MAGI3: variants seen among roughly 807,000 people sequenced by gnomAD.
MAGI3 encodes the protein membrane associated guanylate kinase, WW and PDZ domain containing 3, also known as membrane-associated guanylate kinase, WW and PDZ domain-containing protein 3.
MAGI3 carries 43 observed loss-of-function variants against 121.8 expected under a neutral mutation model. The ratio of observed to expected loss-of-function variants is 0.35; its 90% CI spans 0.28 to 0.46. MAGI3 has a LOEUF of 0.46. Among genes scored for constraint, MAGI3 ranks in the 20% least tolerant of loss-of-function variants. The pLI is 1.00. For synonymous variants in MAGI3, 553 were observed against 639.3 expected, an observed-to-expected ratio of 0.86 and a Z score of 2.04; for missense variants, 1,547 against 1,797.3, an observed-to-expected ratio of 0.86 and a Z score of 2.52.
At chr1:113,649,569 T>C (rs1418117513) in intron 13 of MAGI3, among the ~76,000 whole-genome samples, 3 of 152,238 alleles carry the variant, frequency 2.0e-5, no homozygotes, top group African/African-American at 7.2e-5. Context: ...TATTTACTTC[T>C]CTGTGTGAAT....
chr1:113,661,594 T>C (rs539522722), intron 16 of MAGI3, among the ~76,000 whole-genome samples: 98 of 152,334 alleles, frequency 6.4e-4, no homozygotes, highest in African/African-American at 2.3e-3. Context: ...TTAATGTTGA[T>C]GGTATTTTCT....
chr1:113,634,399 A>G (rs1651867941), intron 9 of MAGI3, among the ~76,000 whole-genome samples: 1 of 152,164 alleles, frequency 6.6e-6, no homozygotes, highest in African/African-American at 2.4e-5. Context: ...TCCATCTTGA[A>G]TTAATTTTTG....
At position 113,585,516 on chromosome 1, in the gene MAGI3, A is replaced by G; in HGVS notation, c.683A>G (p.Lys228Arg). The G allele has an allele frequency of 6.2e-7, 1 of 1,614,176 alleles. No individual in the cohort carries two copies. The highest frequency in any genetic ancestry group is 8.5e-7 in the Non-Finnish European group (1 of 1,180,006). ...SQRKRTTSVS[K>R]MERMDSSLPE... The stretch of plus-strand genomic sequence containing the variant: ...AGAAAACGAACGACATCTGTCAGCA[A>G]GATGGAAAGAATGGATAGCTCTCTT... Residue 228 changes from lysine to arginine, a missense_variant, in exon 4 of 21, where the codon AAG (lysine) becomes AGG (arginine). Transcript: ENST00000307546.
At chr1:113,547,744 A>G (rs1248922554) in intron 1 of MAGI3, among the ~76,000 whole-genome samples, 2 of 152,188 alleles carry the variant, frequency 1.3e-5, no homozygotes, top group Non-Finnish European at 2.9e-5. Flanking sequence ...TGTATTATAC[A>G]TTTAAAAAAT....
At chr1:113,678,292 T>C (rs1220588397) in intron 19 of MAGI3, among the ~76,000 whole-genome samples, 1 of 152,236 alleles carries the variant, frequency 6.6e-6, no homozygotes, top group African/African-American at 2.4e-5. Flanking sequence ...ATTATATATC[T>C]AGTGCTAATT....
chr1:113,538,147 A>G (rs1434180220), intron 1 of MAGI3, among the ~76,000 whole-genome samples: 1 of 152,250 alleles, frequency 6.6e-6, no homozygotes, highest in South Asian at 2.1e-4. Flanking sequence ...ATTGTTTACA[A>G]TAATGAAGTC....
chr1:113,570,150 T>G (rs957809248), intron 2 of MAGI3, among the ~76,000 whole-genome samples: 2 of 152,182 alleles, frequency 1.3e-5, no homozygotes, highest in Non-Finnish European at 2.9e-5. Context: ...TGTTTGGTTT[T>G]CTGTTCCTGT....
At position 113,497,126 on chromosome 1, in the gene MAGI3, G is replaced by A. The variant is rs377673826; in HGVS notation, c.317-52389G>A. Among the ~76,000 whole-genome samples the A allele has an allele frequency of 1.1e-4, 16 of 152,236 alleles. No homozygotes were observed. The South Asian group carries it at 1.5e-3, about 14-fold the overall frequency. On this transcript the variant is annotated intron_variant, in intron 1 of 20. Coordinates refer to ENST00000307546, the MANE Select transcript of MAGI3 (RefSeq NM_001142782.2). ...ACAAAAATTAGCTGGGCGTGATGGCGCATGCCTGTAAGTCCCAGCTACTTG... is the reference window on the plus strand; with the variant it reads ...ACAAAAATTAGCTGGGCGTGATGGCACATGCCTGTAAGTCCCAGCTACTTG...
intron 1 of MAGI3, among the ~76,000 whole-genome samples, chr1:113,442,811 A>C (rs956423000): frequency 2.6e-5 from 4 of 152,052 alleles, no homozygotes; most frequent in African/African-American, 9.7e-5. Context: ...TATCTTGACT[A>C]TTATGTTAGC....
intron 11 of MAGI3, among the ~76,000 whole-genome samples, chr1:113,644,199 A>G (rs887267593): frequency 6.6e-6 from 1 of 152,202 alleles, no homozygotes; most frequent in Non-Finnish European, 1.5e-5. Context: ...TTTTGTGGGG[A>G]CTATAAATAT....
intron 1 of MAGI3, among the ~76,000 whole-genome samples, chr1:113,515,358 A>G (rs909533456): frequency 6.6e-6 from 1 of 152,112 alleles, no homozygotes; most frequent in African/African-American, 2.4e-5. Flanking sequence ...GACTGAGAGA[A>G]TGAAGACTAG....
In MAGI3 at chr1:113,391,215, C is replaced by T. The variant is rs1033304573; in HGVS notation, c.182C>T (p.Ser61Leu). The T allele has an allele frequency of 7.7e-6, 12 of 1,555,536 alleles. No homozygotes were observed. The highest frequency in any genetic ancestry group is 1.0e-5 in the Non-Finnish European group (12 of 1,150,176). The change falls in exon 1 of 21, where the codon TCG becomes TTG. Residue 61 changes from serine (S) to leucine (L), a missense_variant. Physicochemically the swap from Ser to Leu is moderately radical, Grantham distance 145. Coordinates refer to ENST00000307546, the MANE Select transcript of MAGI3 (RefSeq NM_001142782.2). The surrounding 1 kb of genome is among the most constrained non-coding windows in gnomAD (Gnocchi z 4.4). The part of the protein sequence containing the change: ...EPGGGTCCVV[S>L]GKAPSPGDVL... ...GGCGGGGGCACCTGCTGCGTCGTCT[C>T]GGGCAAGGCGCCCAGCCCAGGCGAT...
intron 1 of MAGI3, among the ~76,000 whole-genome samples, chr1:113,523,505 A>G (rs1196888452): frequency 6.6e-6 from 1 of 152,158 alleles, no homozygotes; most frequent in African/African-American, 2.4e-5. Flanking sequence ...GAAATGAGGA[A>G]CTTGTTGGGA....
At chr1:113,612,112 T>G (rs1650189830) in intron 6 of MAGI3, among the ~76,000 whole-genome samples, 1 of 151,924 alleles carries the variant, frequency 6.6e-6, no homozygotes, top group South Asian at 2.1e-4. Context: ...CCCAGATAAT[T>G]TTTGTATTTT....
chr1:113,457,216 G>T (rs1570703549), intron 1 of MAGI3, among the ~76,000 whole-genome samples: 1 of 152,000 alleles, frequency 6.6e-6, no homozygotes, highest in African/African-American at 2.4e-5. Context: ...TTTTTTCAGT[G>T]GAATTAAACC....
intron 2 of MAGI3, among the ~76,000 whole-genome samples, chr1:113,573,118 G>T (rs1570883787): frequency 6.6e-6 from 1 of 152,076 alleles, no homozygotes; most frequent in African/African-American, 2.4e-5. Context: ...GTAGAGACAG[G>T]GTTTCACCGT....
chr1:113,440,847 C>T (rs1653875139), intron 1 of MAGI3, among the ~76,000 whole-genome samples: 1 of 152,188 alleles, frequency 6.6e-6, no homozygotes, highest in Admixed American at 6.5e-5. Flanking sequence ...ATCCATATCA[C>T]ATAAAGACTA....
chr1:113,496,682 AT>A (rs1170125557), intron 1 of MAGI3, among the ~76,000 whole-genome samples: 2 of 152,162 alleles, frequency 1.3e-5, no homozygotes, highest in African/African-American at 4.8e-5. Flanking sequence ...CATTGAGCCA[AT>A]TTTCAATTGT....
intron 12 of MAGI3, among the ~76,000 whole-genome samples, chr1:113,647,359 A>G (rs565996600): frequency 6.6e-6 from 1 of 152,320 alleles, no homozygotes; most frequent in African/African-American, 2.4e-5. Flanking sequence ...ACTATAAGGA[A>G]GGCATAGTTT....
Sources: gnomAD v4.1 joint callset for allele counts (sites outside exome capture counted in the v4.1 genomes callset) on GRCh38, gnomAD v4.1.1 for gene constraint, Gnocchi (gnomAD v3.1) non-coding constraint, MANE v1.5 for transcripts, NCBI Gene and HGNC (gene_info 2026-07-23, HGNC 2026-07-21) for gene names.